RAD54L2: variants seen among roughly 807,000 people sequenced by gnomAD.
RAD54L2 encodes RAD54 like 2.
A neutral mutation model predicts 138.4 loss-of-function variants in RAD54L2; 27 were observed. The observed-to-expected ratio is 0.20, with a 90% CI of 0.14 to 0.27. The LOEUF (loss-of-function observed/expected upper bound fraction) is 0.27, where lower values mean the gene tolerates loss of function less well. RAD54L2 is among the 10% of genes least tolerant of loss of function. RAD54L2 has a pLI of 1.00. For missense variants in RAD54L2, 1,396 were observed against 1,890.2 expected, an observed-to-expected ratio of 0.74 and a Z score of 4.85; for synonymous variants, 644 against 723.2, an observed-to-expected ratio of 0.89 and a Z score of 1.76.
At chr3:51,658,680 A>G (rs903843672) in intron 21 of RAD54L2, among the ~76,000 whole-genome samples, 1 of 152,186 alleles carries the variant, frequency 6.6e-6, no homozygotes, top group Non-Finnish European at 1.5e-5. Flanking sequence ...CTATTGGGTT[A>G]GAGTACCTTT....
intron 3 of RAD54L2, among the ~76,000 whole-genome samples, chr3:51,618,750 T>G (rs996671744): frequency 3.9e-5 from 6 of 152,186 alleles, no homozygotes; most frequent in African/African-American, 1.4e-4. Flanking sequence ...ATTTTGCATA[T>G]GACAAGAATG....
At position 51,664,276 on chromosome 3, in the gene RAD54L2, C is replaced by T. The variant is rs1451532367; in HGVS notation, c.*856C>T. 1.3e-5 allele frequency: 2 copies of T among 152,164 alleles called. No individual in the cohort carries two copies. The highest frequency in any genetic ancestry group is 4.8e-5 in the African/African-American group (2 of 41,434). 9.4% of individuals were successfully genotyped at this position (152,164 alleles called of 1,614,324 possible). A position where few individuals can be genotyped will look rare whatever the true frequency, so the allele number is the denominator to read the frequency against. ...CATTACCAATCTATGTCTCTTAACCCCGGTGGCTATCTCTGAGCAGCTCTC... is the reference window on the plus strand; with the variant it reads ...CATTACCAATCTATGTCTCTTAACCTCGGTGGCTATCTCTGAGCAGCTCTC... On this transcript the variant is annotated 3_prime_UTR_variant, in exon 23 of 23. Coordinates refer to ENST00000684192, the MANE Select transcript of RAD54L2 (RefSeq NM_015106.4).
chr3:51,586,934 T>C (rs557891381), intron 2 of RAD54L2, among the ~76,000 whole-genome samples: 3 of 152,200 alleles, frequency 2.0e-5, no homozygotes, highest in Admixed American at 6.5e-5. Context: ...AACCATTGAC[T>C]TCCAAACACA....
intron 2 of RAD54L2, among the ~76,000 whole-genome samples, chr3:51,583,654 C>A (rs756237946): frequency 6.7e-6 from 1 of 150,362 alleles, no homozygotes; most frequent in Non-Finnish European, 1.5e-5. Context: ...CTTGAACTCC[C>A]GACCTCAGGT....
Position 51,645,376 on chromosome 3 carries a change from G to A in RAD54L2, c.2656+147G>A. The A allele has an allele frequency of 9.8e-7, 1 of 1,020,912 alleles. No individual in the cohort carries two copies. The highest frequency in any genetic ancestry group is 1.7e-5 in the South Asian group (1 of 59,566). The allele number at this position is 1,020,912 out of a possible 1,614,324, so 63.2% of individuals were successfully genotyped here. Reference sequence around the variant, plus strand: ...CTCCTATCTCATTCTGATTCAAATTGCTTAAAAGGTAATTGACCTCAACTT... The same window carrying A: ...CTCCTATCTCATTCTGATTCAAATTACTTAAAAGGTAATTGACCTCAACTT... On this transcript the variant is annotated intron_variant, in intron 17 of 22. Transcript: ENST00000684192. This position sits in a 1 kb window ranked among gnomAD's most constrained non-coding sequence, Gnocchi z 6.1.
intron 3 of RAD54L2, among the ~76,000 whole-genome samples, chr3:51,604,976 C>T (rs1431202520): frequency 6.6e-6 from 1 of 151,912 alleles, no homozygotes; most frequent in Non-Finnish European, 1.5e-5. Context: ...GGCTGGAGTA[C>T]AGTGGCGTGA....
chr3:51,552,801 C>A (rs918218334), intron 2 of RAD54L2, among the ~76,000 whole-genome samples: 2 of 151,936 alleles, frequency 1.3e-5, no homozygotes, highest in African/African-American at 4.8e-5. Context: ...CTCAAACAGT[C>A]CTCCCCACTT....
At chr3:51,574,304 A>C (rs1699411968) in intron 2 of RAD54L2, among the ~76,000 whole-genome samples, 1 of 152,186 alleles carries the variant, frequency 6.6e-6, no homozygotes, top group Non-Finnish European at 1.5e-5. Flanking sequence ...CACGATAAAC[A>C]TACGTGTGCA....
rs940267054 is a variant in RAD54L2, at chr3:51,665,423, A to C, written c.*2003A>C. 4 of 152,136 alleles carry C rather than the reference A, an allele frequency of 2.6e-5. No homozygotes were observed. In the South Asian group the frequency reaches 8.3e-4, roughly 32 times the overall value. 9.4% of individuals were successfully genotyped at this position (152,136 alleles called of 1,614,324 possible). ...TCCTCAGAGAAGAGACAAGGAGATG[A>C]TGGATGGGGTGCATGTGTATATGTG... is the stretch of plus-strand genomic sequence containing the variant. On this transcript the variant is annotated 3_prime_UTR_variant, in exon 23 of 23. Transcript: ENST00000684192.
chr3:51,602,683 G>A (rs1237064029), intron 3 of RAD54L2, among the ~76,000 whole-genome samples: 1 of 152,166 alleles, frequency 6.6e-6, no homozygotes, highest in African/African-American at 2.4e-5. Flanking sequence ...CATTCATCCA[G>A]TCATTCAATA....
At chr3:51,601,755 C>T (rs936298352) in intron 3 of RAD54L2, among the ~76,000 whole-genome samples, 6 of 151,996 alleles carry the variant, frequency 3.9e-5, no homozygotes, top group Non-Finnish European at 7.4e-5. Context: ...GAGATTCATT[C>T]TTGTATGTTT....
At chr3:51,579,683 G>T (rs1699563961) in intron 2 of RAD54L2, among the ~76,000 whole-genome samples, 1 of 152,096 alleles carries the variant, frequency 6.6e-6, no homozygotes, top group Non-Finnish European at 1.5e-5. Context: ...ACATTTAGTA[G>T]TTTAAAGGTA....
At chr3:51,542,673 C>T in intron 2 of RAD54L2, among the ~76,000 whole-genome samples, 1 of 152,118 alleles carries the variant, frequency 6.6e-6, no homozygotes, top group Non-Finnish European at 1.5e-5. Context: ...TCGTGTTAGC[C>T]AGGATGGTCT....
intron 3 of RAD54L2, among the ~76,000 whole-genome samples, chr3:51,596,194 C>T (rs950929790): frequency 1.4e-5 from 2 of 146,452 alleles, no homozygotes; most frequent in African/African-American, 5.1e-5. Context: ...TCCCAAAGTG[C>T]TGGAATTACA....
chr3:51,563,016 A>G (rs552928340), intron 2 of RAD54L2, among the ~76,000 whole-genome samples: 6 of 152,142 alleles, frequency 3.9e-5, no homozygotes, highest in Non-Finnish European at 8.8e-5. Flanking sequence ...CTAACTGTCC[A>G]ATTCTTTCTT....
chr3:51,629,311 C>G (rs779355376), intron 4 of RAD54L2, 23 bp from the exon 5 acceptor site: 1 of 1,570,550 alleles, frequency 6.4e-7, no homozygotes, highest in Non-Finnish European at 8.6e-7. Context: ...AACCCAAGTG[C>G]TGTCTCTTAT....
intron 3 of RAD54L2, among the ~76,000 whole-genome samples, chr3:51,597,007 A>C (rs1420429555): frequency 1.3e-5 from 2 of 152,058 alleles, no homozygotes; most frequent in African/African-American, 4.8e-5. Context: ...TCTACTAAAA[A>C]TACAAAAATT....
In RAD54L2 at chr3:51,646,397, C is replaced by T; in HGVS notation, c.2942C>T (p.Pro981Leu). ...SYEEDKRTSV[P>L]YTRPSYAQYY... ...GAGGAAGACAAACGCACATCAGTCC[C>T]CTATACCCGCCCATCGTATGCGCAG... Residue 981 changes from proline to leucine, a missense_variant, in exon 19 of 23, where the codon CCC (proline) becomes CTC (leucine). Physicochemically the swap from Pro to Leu is moderately conservative, Grantham distance 98. Coordinates refer to ENST00000684192, the MANE Select transcript of RAD54L2 (RefSeq NM_015106.4). The T allele has an allele frequency of 6.2e-7, 1 of 1,613,872 alleles. No individual in the cohort carries two copies. Among genetic ancestry groups the T allele is most frequent in the South Asian group, 1.1e-5 (1 of 91,044 alleles).
chr3:51,583,845 CT>C (rs34632307), intron 2 of RAD54L2, among the ~76,000 whole-genome samples: 6,336 of 138,970 alleles, frequency 0.046, 372 homozygotes, highest in African/African-American at 0.14. Context: ...CTTTGAATGG[CT>C]TTTTTTTTTT....
Sources: gnomAD v4.1 joint callset for allele counts (sites outside exome capture counted in the v4.1 genomes callset) on GRCh38, gnomAD v4.1.1 for gene constraint, Gnocchi (gnomAD v3.1) non-coding constraint, MANE v1.5 for transcripts, NCBI Gene and HGNC (gene_info 2026-07-23, HGNC 2026-07-21) for gene names.